The following CUL3 variants were observed in gnomAD, a reference collection of about 807,000 sequenced individuals.
CUL3 encodes cullin-3.
CUL3 carries 19 observed loss-of-function variants against 89.1 expected under a neutral mutation model. The observed-to-expected ratio is 0.21, with a 90% CI of 0.15 to 0.31. The LOEUF (loss-of-function observed/expected upper bound fraction) is 0.31, where lower values mean the gene tolerates loss of function less well. Ranked by LOEUF, CUL3 falls within the 10% of genes least tolerant of loss-of-function variation. The probability of loss-of-function intolerance (pLI) is 1.00; values close to 1 mark genes in which losing one functional copy is unlikely to be tolerated. For missense variants in CUL3, 469 were observed against 942.3 expected, an observed-to-expected ratio of 0.50 and a Z score of 6.58; for synonymous variants, 351 against 308.4, an observed-to-expected ratio of 1.14 and a Z score of -1.45.
At chr2:224,536,115 T>C (rs1273300806) in intron 2 of CUL3, among the ~76,000 whole-genome samples, 1 of 152,236 alleles carries the variant, frequency 6.6e-6, no homozygotes, top group Non-Finnish European at 1.5e-5. Context: ...CCTCTGTGCC[T>C]CAGTTTCCTT....
At chr2:224,574,660 G>A (rs1695259869) in intron 1 of CUL3, among the ~76,000 whole-genome samples, 1 of 152,116 alleles carries the variant, frequency 6.6e-6, no homozygotes, top group South Asian at 2.1e-4. Flanking sequence ...GTAAACGTTT[G>A]AAAATAACTG....
At chr2:224,500,716 C>T (rs1272094856) in intron 10 of CUL3, among the ~76,000 whole-genome samples, 1 of 151,170 alleles carries the variant, frequency 6.6e-6, no homozygotes, top group Non-Finnish European at 1.5e-5. Context: ...ACCTCCGCCT[C>T]CCAGGTTCAA....
chr2:224,515,088 A>G (rs192938682), intron 3 of CUL3, among the ~76,000 whole-genome samples: 37 of 152,328 alleles, frequency 2.4e-4, no homozygotes, highest in African/African-American at 8.7e-4. Flanking sequence ...TTTCTCCCCA[A>G]AGCTACAGCA....
At chr2:224,478,633 GT>G in intron 14 of CUL3, 1 of 256,946 alleles carries the variant, frequency 3.9e-6, no homozygotes, top group Non-Finnish European at 7.4e-6. Flanking sequence ...AAAATATTCA[GT>G]AGTAAAATTA....
chr2:224,562,721 T>C (rs562795224), intron 1 of CUL3: 1 of 152,024 alleles, frequency 6.6e-6, no homozygotes, highest in Non-Finnish European at 1.5e-5. Flanking sequence ...GAGCTGGGAT[T>C]AGAACTTATA....
chr2:224,477,564 T>C (rs1157132663), intron 15 of CUL3, among the ~76,000 whole-genome samples: 3 of 152,230 alleles, frequency 2.0e-5, no homozygotes, highest in African/African-American at 7.2e-5. Flanking sequence ...TAAAGTCAAC[T>C]TGTACAAAAC....
At chr2:224,580,018 G>A (rs1381378095) in intron 1 of CUL3, among the ~76,000 whole-genome samples, 1 of 152,188 alleles carries the variant, frequency 6.6e-6, no homozygotes, top group East Asian at 1.9e-4. Context: ...CCTACATAGT[G>A]GAACAAAGCC....
intron 3 of CUL3, among the ~76,000 whole-genome samples, chr2:224,525,276 C>T (rs1317549367): frequency 6.6e-6 from 1 of 152,182 alleles, no homozygotes; most frequent in Non-Finnish European, 1.5e-5. Context: ...GAATCAACTT[C>T]TAAATTCAAA....
At position 224,472,564 on chromosome 2, in the gene CUL3, A is replaced by G. The variant is rs1267616498; in HGVS notation, c.*1681T>C. 2.7e-5 allele frequency: 5 copies of G among 186,844 alleles called. No homozygotes were observed. Among genetic ancestry groups the G allele is most frequent in the African/African-American group, 1.2e-4 (5 of 42,786 alleles). 11.6% of individuals were successfully genotyped at this position (186,844 alleles called of 1,614,324 possible). A position where few individuals can be genotyped will look rare whatever the true frequency, so the allele number is the denominator to read the frequency against. On this transcript the variant is annotated 3_prime_UTR_variant, in exon 16 of 16. Transcript: ENST00000264414. ...GACTTAGTACTACTCAAGTATGGTA[A>G]AAGTGTCCTGAGAATAATGTTCACA...
At chr2:224,570,996 C>G (rs1231263414) in intron 1 of CUL3, among the ~76,000 whole-genome samples, 2 of 152,140 alleles carry the variant, frequency 1.3e-5, no homozygotes, top group Non-Finnish European at 2.9e-5. Flanking sequence ...CTGTGAATGA[C>G]TTTTGCATAT....
chr2:224,580,829 T>C (rs1559247878), intron 1 of CUL3, among the ~76,000 whole-genome samples: 1 of 152,136 alleles, frequency 6.6e-6, no homozygotes, highest in Admixed American at 6.5e-5. Context: ...AACACAATTC[T>C]ATATTTTTTT....
chr2:224,582,264 G>A (rs1481697780), intron 1 of CUL3, among the ~76,000 whole-genome samples: 1 of 152,172 alleles, frequency 6.6e-6, no homozygotes, highest in Admixed American at 6.5e-5. Context: ...ACTGCGCCCG[G>A]CCATATTTTT....
rs12104749 is a variant in CUL3 at position 224,475,965 on chromosome 2, C to T, written c.2176-1589G>A. On this transcript the variant is annotated intron_variant, in intron 15 of 15. Transcript: ENST00000264414. ...AACTGCAGTCACAGGCCAAATACAC[C>T]CCACTACCTGTTTCTGTAAAATTTT... Among the ~76,000 whole-genome samples, 1,256 of 152,190 alleles carry T rather than the reference C, an allele frequency of 8.3e-3. 10 individuals carry two copies. Among genetic ancestry groups the T allele is most frequent in the African/African-American group, 0.029 (1,198 of 41,522 alleles).
chr2:224,550,508 G>A lies in CUL3; in HGVS notation c.264+7151C>T, dbSNP rs1204464113. 5.9e-5 allele frequency among the ~76,000 whole-genome samples: 9 copies of A among 151,952 alleles called. No individual in the cohort carries two copies. In the East Asian group the frequency reaches 1.7e-3, roughly 29 times the overall value. ...TACACATCTCCAGTTCAAACTTCTC[G>A]GATAATTTGATTTGCATATCAAATT... On this transcript the variant is annotated intron_variant, in intron 2 of 15. Transcript: ENST00000264414.
chr2:224,572,453 T>C (rs1695201967), intron 1 of CUL3, among the ~76,000 whole-genome samples: 2 of 149,964 alleles, frequency 1.3e-5, no homozygotes, highest in African/African-American at 2.5e-5. Flanking sequence ...GAGACCAGCC[T>C]GGGCAACACA....
chr2:224,533,292 T>A (rs565482485), intron 3 of CUL3, among the ~76,000 whole-genome samples: 4 of 152,198 alleles, frequency 2.6e-5, no homozygotes, highest in Non-Finnish European at 5.9e-5. Flanking sequence ...AGCATGTTAC[T>A]ATGGGCCAAG....
chr2:224,569,893 T>A (rs1695143218), intron 1 of CUL3: 1 of 645,852 alleles, frequency 1.5e-6, no homozygotes, highest in Non-Finnish European at 1.9e-6. Flanking sequence ...CAATTCAGAA[T>A]GACACAGCTA....
intron 14 of CUL3, chr2:224,479,538 T>C (rs1671555292): frequency 6.6e-6 from 1 of 152,114 alleles, no homozygotes; most frequent in Non-Finnish European, 1.5e-5. Flanking sequence ...AAAAGTGAGA[T>C]ATAAAAGAAA....
chr2:224,529,925 A>G (rs1693629003), intron 3 of CUL3, among the ~76,000 whole-genome samples: 1 of 152,192 alleles, frequency 6.6e-6, no homozygotes, highest in Non-Finnish European at 1.5e-5. Context: ...TTTTAGACAC[A>G]GACACCTCCT....
Sources: allele counts gnomAD v4.1 joint callset (sites outside exome capture counted in the v4.1 genomes callset), GRCh38; gene constraint gnomAD v4.1.1; transcripts MANE v1.5; gene names NCBI Gene and HGNC (gene_info 2026-07-23, HGNC 2026-07-21).